Variants in DDI2 observed in about 807,000 individuals in gnomAD.
DDI2 encodes the protein protein DDI1 homolog 2.
Under a neutral mutation model 48.1 loss-of-function variants are expected in DDI2, and 5 were observed. The ratio of observed to expected loss-of-function variants is 0.10; its 90% confidence interval spans 0.05 to 0.22. The LOEUF is 0.22. DDI2 is among the 10% of genes least tolerant of loss of function. The pLI is 1.00. For synonymous variants in DDI2, 205 were observed against 183.6 expected (o/e 1.12, Z -0.94); for missense variants, 285 against 506.2 (o/e 0.56, Z 4.19).
At chr1:15,620,144 T>C (rs1639634798) in intron 1 of DDI2, among the ~76,000 whole-genome samples, 1 of 152,212 alleles carries the variant, frequency 6.6e-6, no homozygotes, top group Non-Finnish European at 1.5e-5. Context: ...CCAAGCCAAA[T>C]TAGCATATAG....
chr1:15,643,171 C>G (rs1398451507), intron 5 of DDI2, among the ~76,000 whole-genome samples: 1 of 152,182 alleles, frequency 6.6e-6, no homozygotes, highest in African/African-American at 2.4e-5. Flanking sequence ...GAGGCGACGG[C>G]TTAGAGATAC....
At chr1:15,659,716 A>G in intron 9 of DDI2, 121 bp from the exon 10 acceptor site, 1 of 1,010,056 alleles carries the variant, frequency 9.9e-7, no homozygotes, top group Non-Finnish European at 1.4e-6. Context: ...TTTGTGTAAG[A>G]GAAACCCGAG....
At chr1:15,618,398 C>G (rs755001227) in intron 1 of DDI2, among the ~76,000 whole-genome samples, 1 of 152,142 alleles carries the variant, frequency 6.6e-6, no homozygotes, top group Non-Finnish European at 1.5e-5. Flanking sequence ...TCTTTACCCA[C>G]CACATGCGTT....
rs769399349 is a variant in DDI2 at position 15,661,100 on chromosome 1, G to A, written c.*1310G>A. 1.2e-6 allele frequency: 2 copies of A among 1,613,776 alleles called. No individual in the cohort carries two copies. The highest frequency in any genetic ancestry group is 1.7e-6 in the Non-Finnish European group (2 of 1,179,908). ...GAGCATCTTACCCAGAATGAACAGTGTCCACAAGTCTCCTTTCATCAGGCC... is the reference window on the plus strand; with the variant it reads ...GAGCATCTTACCCAGAATGAACAGTATCCACAAGTCTCCTTTCATCAGGCC... On this transcript the variant is annotated 3_prime_UTR_variant, in exon 10 of 10. Transcript: ENST00000480945.
At chr1:15,636,158 C>A (rs974029895) in intron 4 of DDI2, among the ~76,000 whole-genome samples, 1 of 152,074 alleles carries the variant, frequency 6.6e-6, no homozygotes, top group African/African-American at 2.4e-5. Flanking sequence ...TGTTTTGAGA[C>A]AGGGCCTCCG....
chr1:15,644,596 T>TTTTTC, intron 6 of DDI2, among the ~76,000 whole-genome samples: 1 of 130,744 alleles, frequency 7.6e-6, no homozygotes, highest in Non-Finnish European at 1.6e-5. Context: ...TGTTTTTTTT[T>TTTTTC]TTTTTTTTTT....
chr1:15,632,204 A>G (rs1331580116), intron 3 of DDI2, among the ~76,000 whole-genome samples: 3 of 152,190 alleles, frequency 2.0e-5, no homozygotes, highest in South Asian at 2.1e-4. Context: ...TTAATCTCTT[A>G]TATCAGCATA....
chr1:15,641,307 A>G (rs1031273048), intron 5 of DDI2, among the ~76,000 whole-genome samples: 1 of 151,792 alleles, frequency 6.6e-6, no homozygotes, highest in Admixed American at 6.6e-5. Flanking sequence ...CCCCATGTCT[A>G]TTAAAAACAC....
At chr1:15,626,295 A>C (rs1449206124) in intron 1 of DDI2, among the ~76,000 whole-genome samples, 2 of 152,222 alleles carry the variant, frequency 1.3e-5, no homozygotes, top group African/African-American at 4.8e-5. Flanking sequence ...TTGAGAGTAC[A>C]TTTTAAATAA....
rs1640413565 is a variant in DDI2 at position 15,663,760 on chromosome 1, A to T, written c.*3970A>T. 1 of 141,552 alleles carries T rather than the reference A, an allele frequency of 7.1e-6. No individual in the cohort carries two copies. Among genetic ancestry groups the T allele is most frequent in the Non-Finnish European group, 1.5e-5 (1 of 64,816 alleles). 8.8% of individuals were successfully genotyped at this position (141,552 alleles called of 1,614,324 possible). A position where few individuals can be genotyped will look rare whatever the true frequency, so the allele number is the denominator to read the frequency against. On this transcript the variant is annotated 3_prime_UTR_variant, in exon 10 of 10. Coordinates refer to ENST00000480945, the MANE Select transcript of DDI2 (RefSeq NM_032341.5). Reference sequence around the variant, plus strand: ...TTTATGGGTGGTGGTTTGGGAATGTATTCTAAGCTTATAAATCTTTGGAAC... The same window carrying T: ...TTTATGGGTGGTGGTTTGGGAATGTTTTCTAAGCTTATAAATCTTTGGAAC...
chr1:15,658,706 A>G (rs1297159763), intron 9 of DDI2, among the ~76,000 whole-genome samples: 1 of 151,392 alleles, frequency 6.6e-6, no homozygotes, highest in African/African-American at 2.4e-5. Flanking sequence ...GTGAGCTCAG[A>G]TGGCGCCATT....
rs201236581 is a variant in DDI2, at chr1:15,660,080, A to G, written c.*290A>G. 7.4e-6 allele frequency: 12 copies of G among 1,614,040 alleles called. No homozygotes were observed. The highest frequency in any genetic ancestry group is 4.5e-5 in the East Asian group (2 of 44,884). On this transcript the variant is annotated 3_prime_UTR_variant, in exon 10 of 10. Transcript: ENST00000480945. ...CAGCTAAACTCTGAAAAGAAAGAAC[A>G]TCTTTCTTTACAAGATCTTTCTGAT... is the stretch of plus-strand genomic sequence containing the variant.
chr1:15,627,423 G>A (rs1309289960), intron 2 of DDI2, among the ~76,000 whole-genome samples: 1 of 152,234 alleles, frequency 6.6e-6, no homozygotes, highest in African/African-American at 2.4e-5. Context: ...TGACCACCAA[G>A]TTGTGGTTCT....
intron 6 of DDI2, among the ~76,000 whole-genome samples, chr1:15,648,068 T>C (rs1415988696): frequency 6.6e-6 from 1 of 152,238 alleles, no homozygotes; most frequent in Non-Finnish European, 1.5e-5. Flanking sequence ...TTCCTTTCTT[T>C]TGAAATATGT....
chr1:15,638,240 G>T, intron 4 of DDI2, 67 bp from the exon 5 acceptor site: 1 of 1,600,698 alleles, frequency 6.2e-7, no homozygotes, highest in South Asian at 1.1e-5. Context: ...TTAATATTGT[G>T]ACTTTGAAAC....
chr1:15,657,689 C>A (rs563830763), intron 9 of DDI2, among the ~76,000 whole-genome samples: 7 of 152,318 alleles, frequency 4.6e-5, no homozygotes, highest in African/African-American at 1.4e-4. Flanking sequence ...ATGTTGCTTA[C>A]ATGGATATTT....
intron 3 of DDI2, among the ~76,000 whole-genome samples, chr1:15,631,403 G>A (rs1639841901): frequency 6.6e-6 from 1 of 152,214 alleles, no homozygotes; most frequent in East Asian, 1.9e-4. Context: ...GGCATGAGCA[G>A]TTGCACCCAG....
intron 6 of DDI2, among the ~76,000 whole-genome samples, chr1:15,647,498 AT>A (rs1178084756): frequency 6.6e-6 from 1 of 151,854 alleles, no homozygotes. Flanking sequence ...GCACATTTTG[AT>A]TTTTTCCCCC....
chr1:15,651,272 T>C (rs1284354274), intron 7 of DDI2, among the ~76,000 whole-genome samples: 1 of 152,200 alleles, frequency 6.6e-6, no homozygotes, highest in African/African-American at 2.4e-5. Context: ...TTTATAGATG[T>C]AAATCATATA....
Sources: gnomAD v4.1 joint callset for allele counts (sites outside exome capture counted in the v4.1 genomes callset) on GRCh38, gnomAD v4.1.1 for gene constraint, MANE v1.5 for transcripts, NCBI Gene and HGNC (gene_info 2026-07-23, HGNC 2026-07-21) for gene names.